The following LRRC28 variants were observed in gnomAD, a reference collection of about 807,000 sequenced individuals.
LRRC28 encodes the protein leucine-rich repeat-containing protein 28.
A neutral mutation model predicts 45.7 loss-of-function variants in LRRC28; 39 were observed. The observed-to-expected ratio is 0.85, with a 90% CI of 0.66 to 1.12. The LOEUF (loss-of-function observed/expected upper bound fraction) is 1.12, where lower values mean the gene tolerates loss of function less well. Ranked by LOEUF, LRRC28 falls within the 50% of genes most tolerant of loss-of-function variation. LRRC28 has a pLI of 0.00. For synonymous variants in LRRC28, 206 were observed against 178.8 expected, an observed-to-expected ratio of 1.15 and a Z score of -1.22; for missense variants, 435 against 438.5, an observed-to-expected ratio of 0.99 and a Z score of 0.07.
chr15:99,282,436 G>A (rs1444473298), intron 3 of LRRC28, among the ~76,000 whole-genome samples: 4 of 152,048 alleles, frequency 2.6e-5, no homozygotes, highest in Non-Finnish European at 4.4e-5. Context: ...ATTGTTTCAT[G>A]TACAGTCATG....
chr15:99,367,536 C>T (rs947197602), intron 9 of LRRC28, among the ~76,000 whole-genome samples: 1 of 152,144 alleles, frequency 6.6e-6, no homozygotes, highest in East Asian at 1.9e-4. Context: ...GGGCAGAGCT[C>T]TCATGACCTA....
chr15:99,309,962 C>T (rs942171855), intron 5 of LRRC28, among the ~76,000 whole-genome samples: 8 of 152,152 alleles, frequency 5.3e-5, no homozygotes, highest in African/African-American at 1.9e-4. Context: ...GTTTGAGGCA[C>T]AACTTGTAGA....
intron 9 of LRRC28, among the ~76,000 whole-genome samples, chr15:99,371,865 C>T (rs1567706279): frequency 6.6e-6 from 1 of 152,178 alleles, no homozygotes; most frequent in Non-Finnish European, 1.5e-5. Context: ...TCTGCTTTGA[C>T]CCCACCACCT....
intron 2 of LRRC28, among the ~76,000 whole-genome samples, chr15:99,265,280 A>C (rs1353724561): frequency 6.6e-6 from 1 of 152,124 alleles, no homozygotes; most frequent in Non-Finnish European, 1.5e-5. Flanking sequence ...AAGTAGAGAG[A>C]GACTAAGGAG....
intron 9 of LRRC28, among the ~76,000 whole-genome samples, chr15:99,382,498 C>T (rs1302473054): frequency 6.6e-6 from 1 of 152,150 alleles, no homozygotes; most frequent in Non-Finnish European, 1.5e-5. Flanking sequence ...TCTTCTTTCA[C>T]CTAGATATTT....
intron 5 of LRRC28, among the ~76,000 whole-genome samples, chr15:99,296,051 A>G (rs2082253300): frequency 6.6e-6 from 1 of 152,214 alleles, no homozygotes; most frequent in Non-Finnish European, 1.5e-5. Context: ...TACAGAGGAC[A>G]TAAAAACAGC....
chr15:99,321,543 G>T (rs774967366), intron 5 of LRRC28, among the ~76,000 whole-genome samples: 11 of 152,150 alleles, frequency 7.2e-5, no homozygotes, highest in Non-Finnish European at 1.3e-4. Context: ...TATGTTAAAT[G>T]TGCAACAAAC....
intron 6 of LRRC28, among the ~76,000 whole-genome samples, chr15:99,346,042 T>A (rs1956670593): frequency 6.6e-6 from 1 of 152,146 alleles, no homozygotes; most frequent in African/African-American, 2.4e-5. Context: ...AGTGCAGTGG[T>A]GTAGTCATGG....
chr15:99,349,087 T>A (rs1204528309), intron 6 of LRRC28, among the ~76,000 whole-genome samples: 1 of 152,204 alleles, frequency 6.6e-6, no homozygotes, highest in Non-Finnish European at 1.5e-5. Flanking sequence ...TTGTTATTTG[T>A]ATATAGAAAT....
chr15:99,265,260 G>C (rs547226504), intron 2 of LRRC28, among the ~76,000 whole-genome samples: 3 of 152,288 alleles, frequency 2.0e-5, no homozygotes, highest in African/African-American at 7.2e-5. Flanking sequence ...TTGCCAGGTG[G>C]ATGCAGTACA....
intron 5 of LRRC28, among the ~76,000 whole-genome samples, chr15:99,290,944 G>A (rs959728895): frequency 6.6e-6 from 1 of 152,178 alleles, no homozygotes; most frequent in Non-Finnish European, 1.5e-5. Context: ...CTCCAGCCTG[G>A]ACAGCGGAGT....
At position 99,389,560 on chromosome 15, in the gene LRRC28, C is replaced by T. The variant is rs1958123858; in HGVS notation, c.*3458C>T. 1 of 152,196 alleles carries T rather than the reference C, an allele frequency of 6.6e-6. No homozygotes were observed. Among genetic ancestry groups the T allele is most frequent in the African/African-American group, 2.4e-5 (1 of 41,442 alleles). 9.4% of individuals were successfully genotyped at this position (152,196 alleles called of 1,614,324 possible). Reference sequence around the variant, plus strand: ...ACATGGATTTCTAACTGGACCAACACTAATGTTGCAACCTGATAAAATTTG... The same window carrying T: ...ACATGGATTTCTAACTGGACCAACATTAATGTTGCAACCTGATAAAATTTG... On this transcript the variant is annotated 3_prime_UTR_variant, in exon 10 of 10. Transcript: ENST00000301981.
At chr15:99,343,714 G>T (rs1160003841) in intron 6 of LRRC28, among the ~76,000 whole-genome samples, 1 of 152,160 alleles carries the variant, frequency 6.6e-6, no homozygotes, top group African/African-American at 2.4e-5. Flanking sequence ...AGGTATCGGT[G>T]CATTAATAGT....
At chr15:99,277,591 T>C (rs2081652887) in intron 3 of LRRC28, among the ~76,000 whole-genome samples, 1 of 152,186 alleles carries the variant, frequency 6.6e-6, no homozygotes, top group African/African-American at 2.4e-5. Context: ...AAAAATAATG[T>C]ATTTTAAAAG....
intron 6 of LRRC28, among the ~76,000 whole-genome samples, chr15:99,349,944 G>A (rs1462084144): frequency 2.6e-5 from 4 of 151,668 alleles, no homozygotes; most frequent in Admixed American, 2.6e-4. Flanking sequence ...AGACCATCCT[G>A]GCTAACAAGG....
intron 5 of LRRC28, among the ~76,000 whole-genome samples, chr15:99,292,407 G>A (rs1304903715): frequency 6.7e-6 from 1 of 148,894 alleles, no homozygotes; most frequent in Non-Finnish European, 1.5e-5. Flanking sequence ...GCCCAGGCCG[G>A]ACTGCGGACT....
At chr15:99,314,080 C>T (rs186068348) in intron 5 of LRRC28, among the ~76,000 whole-genome samples, 34 of 152,308 alleles carry the variant, frequency 2.2e-4, no homozygotes, top group African/African-American at 6.0e-4. Context: ...GGAGAAACTT[C>T]GCTGAGTTTG....
At chr15:99,373,322 T>G (rs62025360) in intron 9 of LRRC28, among the ~76,000 whole-genome samples, 23,791 of 152,024 alleles carry the variant, frequency 0.16, 1,902 homozygotes, top group African/African-American at 0.18. Flanking sequence ...TGGTGTAGCA[T>G]AAAAATTATT....
chr15:99,345,791 A>G (rs1051389125), intron 6 of LRRC28, among the ~76,000 whole-genome samples: 1 of 152,204 alleles, frequency 6.6e-6, no homozygotes, highest in Admixed American at 6.5e-5. Context: ...TAAATATCAC[A>G]ATTTTTTTAA....
Sources: gnomAD v4.1 joint callset for allele counts (sites outside exome capture counted in the v4.1 genomes callset) on GRCh38, gnomAD v4.1.1 for gene constraint, MANE v1.5 for transcripts, NCBI Gene and HGNC (gene_info 2026-07-23, HGNC 2026-07-21) for gene names.